The following DLGAP4 variants were observed in gnomAD, a reference collection of about 807,000 sequenced individuals.
DLGAP4 encodes DLG associated protein 4, also known as disks large-associated protein 4.
DLGAP4 carries 18 observed loss-of-function variants against 86.9 expected under a neutral mutation model. The ratio of observed to expected loss-of-function variants is 0.21; its 90% CI spans 0.14 to 0.31. DLGAP4 has a LOEUF of 0.31. Among genes scored for constraint, DLGAP4 ranks in the 10% least tolerant of loss-of-function variants. DLGAP4 has a pLI of 1.00. For missense variants in DLGAP4, 1,085 were observed against 1,362.6 expected (o/e 0.80, Z 3.21); for synonymous variants, 548 against 574.3 (o/e 0.95, Z 0.65).
At chr20:36,435,316 G>A (rs1433537632) in intron 3 of DLGAP4, among the ~76,000 whole-genome samples, 1 of 152,182 alleles carries the variant, frequency 6.6e-6, no homozygotes, top group Non-Finnish European at 1.5e-5. Flanking sequence ...TGAATGAAAT[G>A]GCGAGGAATG....
chr20:36,323,833 C>A (rs1368198029), intron 1 of DLGAP4, among the ~76,000 whole-genome samples: 1 of 152,200 alleles, frequency 6.6e-6, no homozygotes, highest in Non-Finnish European at 1.5e-5. Flanking sequence ...AGGATTCGTA[C>A]TCCTGTGAGA....
At chr20:36,399,029 C>T (rs2032079065) in intron 2 of DLGAP4, among the ~76,000 whole-genome samples, 2 of 152,206 alleles carry the variant, frequency 1.3e-5, no homozygotes, top group Admixed American at 1.3e-4. Flanking sequence ...CCTGTGTCTA[C>T]CAAAAATACA....
chr20:36,464,712 T>C (rs965946538), intron 7 of DLGAP4, among the ~76,000 whole-genome samples: 1 of 152,198 alleles, frequency 6.6e-6, no homozygotes, highest in Non-Finnish European at 1.5e-5. Flanking sequence ...TAGCTGGGTG[T>C]GGTGGCACAC....
At chr20:36,396,797 C>T (rs1027228281) in intron 2 of DLGAP4, among the ~76,000 whole-genome samples, 37 of 152,264 alleles carry the variant, frequency 2.4e-4, no homozygotes, top group African/African-American at 8.4e-4. Flanking sequence ...CCATAAAACA[C>T]GAACCATAAC....
chr20:36,328,339 G>A (rs1320507677), intron 1 of DLGAP4, among the ~76,000 whole-genome samples: 4 of 152,248 alleles, frequency 2.6e-5, no homozygotes, highest in Non-Finnish European at 2.9e-5. Context: ...TGAGTAGGGC[G>A]TCCAGCTGGG....
At chr20:36,391,956 G>T (rs1447123856) in intron 2 of DLGAP4, among the ~76,000 whole-genome samples, 2 of 152,230 alleles carry the variant, frequency 1.3e-5, no homozygotes, top group African/African-American at 4.8e-5. Context: ...GCGGCTTAAG[G>T]CTTGTCCTTT....
At chr20:36,438,207 C>G (rs2033341253) in intron 4 of DLGAP4, among the ~76,000 whole-genome samples, 1 of 152,032 alleles carries the variant, frequency 6.6e-6, no homozygotes, top group Non-Finnish European at 1.5e-5. Context: ...AACCGCATCT[C>G]TACTAAAAGT....
chr20:36,408,807 C>T (rs1333865896), intron 2 of DLGAP4, among the ~76,000 whole-genome samples: 2 of 152,148 alleles, frequency 1.3e-5, no homozygotes, highest in Admixed American at 6.5e-5. Context: ...AAATGCAATG[C>T]GGTATCCTCG....
chr20:36,360,880 C>T (rs1259072088), intron 1 of DLGAP4, among the ~76,000 whole-genome samples: 1 of 151,660 alleles, frequency 6.6e-6, no homozygotes, highest in African/African-American at 2.4e-5. Context: ...GGATGAGGTC[C>T]ATTTTGGACA....
chr20:36,423,284 C>G (rs979053195), intron 2 of DLGAP4, among the ~76,000 whole-genome samples: 1 of 151,148 alleles, frequency 6.6e-6, no homozygotes, highest in South Asian at 2.1e-4. Context: ...GGTGAAACCC[C>G]GTCTCTACCA....
chr20:36,383,900 G>A (rs1293904910), intron 2 of DLGAP4, among the ~76,000 whole-genome samples: 2 of 151,804 alleles, frequency 1.3e-5, no homozygotes, highest in African/African-American at 2.4e-5. Flanking sequence ...GCGTGAACCC[G>A]GGAGGCGGAG....
Position 36,432,757 on chromosome 20 carries a change from G to A in DLGAP4, c.999+41G>A, listed in dbSNP as rs778097578. 14 of 1,603,344 alleles carry A rather than the reference G, an allele frequency of 8.7e-6. No homozygotes were observed. The Admixed American group carries it at 2.4e-4, about 27-fold the overall frequency. On this transcript the variant is annotated intron_variant, in intron 3 of 12. Transcript: ENST00000339266. The surrounding 1 kb of genome is among the most constrained non-coding windows in gnomAD (Gnocchi z 6.5). ...GGTCAGGGGTGGGATGAGGGCTCTG[G>A]GGACGGCACCAGTTTTGAGGCCTAG...
intron 5 of DLGAP4, among the ~76,000 whole-genome samples, chr20:36,441,378 C>T (rs935816253): frequency 1.3e-5 from 2 of 152,174 alleles, no homozygotes; most frequent in Non-Finnish European, 2.9e-5. Flanking sequence ...CTCCTCCTGG[C>T]GTTTCAGGTC....
intron 10 of DLGAP4, among the ~76,000 whole-genome samples, chr20:36,504,037 G>A (rs905159424): frequency 6.6e-6 from 1 of 151,886 alleles, no homozygotes; most frequent in African/African-American, 2.4e-5. Flanking sequence ...CATTTCTTTT[G>A]GAGTAGAAAT....
chr20:36,380,323 T>C (rs2147442374), intron 2 of DLGAP4, among the ~76,000 whole-genome samples: 1 of 151,272 alleles, frequency 6.6e-6, no homozygotes, highest in East Asian at 1.9e-4. Context: ...AATGGGAGGA[T>C]CACTTGAGCC....
At chr20:36,401,305 T>C (rs1354697158) in intron 2 of DLGAP4, among the ~76,000 whole-genome samples, 1 of 152,218 alleles carries the variant, frequency 6.6e-6, no homozygotes, top group African/African-American at 2.4e-5. Flanking sequence ...ATAAATATTT[T>C]ATTCCATTCC....
chr20:36,468,058 T>C (rs1042296168), intron 7 of DLGAP4, among the ~76,000 whole-genome samples: 5 of 152,190 alleles, frequency 3.3e-5, no homozygotes, highest in South Asian at 2.1e-4. Context: ...ACATTTATCC[T>C]AAAAGCCCAC....
intron 7 of DLGAP4, among the ~76,000 whole-genome samples, chr20:36,488,283 C>T (rs1418519734): frequency 2.0e-5 from 3 of 151,858 alleles, no homozygotes; most frequent in African/African-American, 4.8e-5. Context: ...TTTCAGGCCG[C>T]GGCCTCAGCA....
chr20:36,366,030 G>A (rs1020300828), intron 1 of DLGAP4, among the ~76,000 whole-genome samples: 12 of 152,198 alleles, frequency 7.9e-5, no homozygotes, highest in Admixed American at 7.9e-4. Flanking sequence ...CTCCAGGGCA[G>A]CCAAAAGGCT....
Sources: allele counts gnomAD v4.1 joint callset (sites outside exome capture counted in the v4.1 genomes callset), GRCh38; gene constraint gnomAD v4.1.1; non-coding constraint Gnocchi (gnomAD v3.1); transcripts MANE v1.5; gene names NCBI Gene and HGNC (gene_info 2026-07-23, HGNC 2026-07-21).